ATXN7: variants seen among roughly 807,000 people sequenced by gnomAD.
ATXN7 encodes the protein ataxin-7.
In ATXN7, 12 loss-of-function variants were observed where a neutral mutation model predicts 70.5. The observed-to-expected ratio is 0.17, with a 90% confidence interval of 0.11 to 0.28. The LOEUF is 0.28. Ranked by LOEUF, ATXN7 falls within the 10% of genes least tolerant of loss-of-function variation. The pLI, the probability that ATXN7 is intolerant of heterozygous loss-of-function variation, is 1.00. For missense variants in ATXN7, 1,256 were observed against 1,131.7 expected (o/e 1.11, Z -1.58); for synonymous variants, 498 against 448.7 (o/e 1.11, Z -1.39).
intron 1 of ATXN7, among the ~76,000 whole-genome samples, chr3:63,877,319 C>G (rs2107213683): frequency 6.6e-6 from 1 of 152,172 alleles, no homozygotes. Context: ...ATACTTCTAC[C>G]CAGAGATATC....
chr3:63,970,157 C>T (rs1168859080), intron 5 of ATXN7, among the ~76,000 whole-genome samples: 1 of 152,172 alleles, frequency 6.6e-6, no homozygotes, highest in African/African-American at 2.4e-5. Context: ...GAAACAGTGA[C>T]ATAAAGATCA....
At chr3:63,870,571 C>G (rs1340997134) in intron 1 of ATXN7, among the ~76,000 whole-genome samples, 5 of 152,174 alleles carry the variant, frequency 3.3e-5, no homozygotes, top group Non-Finnish European at 5.9e-5. Context: ...GATTCTGTCA[C>G]CAATTAATTT....
At chr3:63,870,091 T>G (rs1314558147) in intron 1 of ATXN7, among the ~76,000 whole-genome samples, 1 of 152,146 alleles carries the variant, frequency 6.6e-6, no homozygotes, top group Non-Finnish European at 1.5e-5. Flanking sequence ...TTGCCAGCCA[T>G]CCAGGTCTCT....
intron 4 of ATXN7, among the ~76,000 whole-genome samples, chr3:63,949,991 A>G (rs1396956470): frequency 6.6e-6 from 1 of 152,204 alleles, no homozygotes; most frequent in Non-Finnish European, 1.5e-5. Flanking sequence ...GACCTGGCAC[A>G]TAGTAGTCTC....
Position 63,912,711 on chromosome 3 carries a change from A to C in ATXN7, c.113A>C (p.Gln38Pro), listed in dbSNP as rs1477342245. ...ARQQQQQQQQ[Q>P]QPPPPQPQRQ... ...CAGCAGCAGCAGCAGCAGCAGCAGC[A>C]GCAGCCGCCGCCTCCGCAGCCCCAG... The change falls in exon 3 of 13, where the codon CAG becomes CCG. Residue 38 changes from glutamine (Q) to proline (P), a missense_variant. Coordinates refer to ENST00000674280, the MANE Select transcript of ATXN7 (RefSeq NM_001377405.1). 148 of 1,207,010 alleles carry C rather than the reference A, an allele frequency of 1.2e-4. No individual in the cohort carries two copies. The highest frequency in any genetic ancestry group is 3.3e-4 in the Middle Eastern group (1 of 3,006). 74.8% of individuals were successfully genotyped at this position (1,207,010 alleles called of 1,614,324 possible).
chr3:63,972,171 G>A (rs1238896357), intron 5 of ATXN7, among the ~76,000 whole-genome samples: 1 of 152,182 alleles, frequency 6.6e-6, no homozygotes, highest in Non-Finnish European at 1.5e-5. Context: ...AAATAATTTT[G>A]TGAAGGGACA....
Position 63,995,509 on chromosome 3 carries a change from A to G in ATXN7, c.1687A>G (p.Ile563Val), listed in dbSNP as rs767062910. Reference sequence around the variant, plus strand: ...CTGTCCTCTAATTTTTTTCAGGAAAATCCCACCAGTGCCCAGTACCACCTC... The same window carrying G: ...CTGTCCTCTAATTTTTTTCAGGAAAGTCCCACCAGTGCCCAGTACCACCTC... ...KHLNAQLWKK[I>V]PPVPSTTSPI... The change falls in exon 12 of 13, where the codon ATC (isoleucine) becomes GTC (valine). Residue 563 changes from isoleucine (I) to valine (V), a missense_variant. Coordinates refer to ENST00000674280, the MANE Select transcript of ATXN7 (RefSeq NM_001377405.1). The G allele has an allele frequency of 1.2e-6, 2 of 1,613,468 alleles. No individual in the cohort carries two copies. The highest frequency in any genetic ancestry group is 1.7e-6 in the Non-Finnish European group (2 of 1,179,690).
At chr3:63,910,080 C>CA (rs1289127086) in intron 2 of ATXN7, among the ~76,000 whole-genome samples, 1 of 151,946 alleles carries the variant, frequency 6.6e-6, no homozygotes, top group East Asian at 1.9e-4. Flanking sequence ...TTAAACCAAT[C>CA]AAAAACTTTG....
intron 5 of ATXN7, among the ~76,000 whole-genome samples, chr3:63,962,184 GTTTAC>G (rs1391501773): frequency 1.3e-5 from 2 of 151,994 alleles, no homozygotes; most frequent in African/African-American, 4.8e-5. Context: ...CACTCTTGAG[GTTTAC>G]TTCAAAGTAA....
Position 63,959,766 on chromosome 3 carries a change from A to G in ATXN7, c.499+7283A>G, listed in dbSNP as rs2075095839. On this transcript the variant is annotated intron_variant, in intron 5 of 12. Coordinates refer to ENST00000674280, the MANE Select transcript of ATXN7 (RefSeq NM_001377405.1). ...CAACATTTTAATTTCTAGATATAAA[A>G]TGTACTTATTTTTCCTCTTACTGAT... 2.6e-5 allele frequency among the ~76,000 whole-genome samples: 4 copies of G among 152,302 alleles called. No individual in the cohort carries two copies. In the South Asian group the frequency reaches 8.3e-4, roughly 32 times the overall value.
chr3:63,949,191 C>T (rs1053736318), intron 4 of ATXN7, among the ~76,000 whole-genome samples: 2 of 151,822 alleles, frequency 1.3e-5, no homozygotes, highest in African/African-American at 2.4e-5. Flanking sequence ...CCACAACATT[C>T]CACACTCTGT....
rs1220163566 is a variant in ATXN7, at chr3:63,912,596, A to G, written c.-3A>G. The G allele has an allele frequency of 1.0e-5, 11 of 1,101,522 alleles. No individual in the cohort carries two copies. The South Asian group carries it at 1.5e-4, about 15-fold the overall frequency. 68.2% of individuals were successfully genotyped at this position (1,101,522 alleles called of 1,614,324 possible). ...TTTTTGTTACATTGTAGGAGCGGAAAGAATGTCGGAGCGGGCCGCGGATGA... is the reference window on the plus strand; with the variant it reads ...TTTTTGTTACATTGTAGGAGCGGAAGGAATGTCGGAGCGGGCCGCGGATGA... On this transcript the variant is annotated 5_prime_UTR_variant, in exon 3 of 13. Transcript: ENST00000674280.
At chr3:63,929,824 C>T (rs987480636) in intron 4 of ATXN7, among the ~76,000 whole-genome samples, 2 of 152,146 alleles carry the variant, frequency 1.3e-5, no homozygotes, top group South Asian at 4.1e-4. Flanking sequence ...TGTGTCAGGG[C>T]GGGCACAAGG....
At chr3:63,960,398 G>A (rs72885712) in intron 5 of ATXN7, among the ~76,000 whole-genome samples, 3,516 of 152,246 alleles carry the variant, frequency 0.023, 137 homozygotes, top group African/African-American at 0.079. Flanking sequence ...TCGCTGGAGG[G>A]TTTTGGCCAG....
intron 4 of ATXN7, among the ~76,000 whole-genome samples, chr3:63,940,411 A>G (rs893871337): frequency 6.6e-6 from 1 of 152,120 alleles, no homozygotes; most frequent in Non-Finnish European, 1.5e-5. Context: ...GTCAGTAGCC[A>G]ATGCCATTTC....
chr3:63,902,356 C>T (rs998867826), intron 2 of ATXN7, among the ~76,000 whole-genome samples: 13 of 152,002 alleles, frequency 8.6e-5, no homozygotes, highest in African/African-American at 3.1e-4. Flanking sequence ...GTGCAGTGAG[C>T]CGTGATTGCA....
chr3:63,881,943 C>A (rs1342034716), intron 1 of ATXN7, among the ~76,000 whole-genome samples: 1 of 152,164 alleles, frequency 6.6e-6, no homozygotes, highest in Non-Finnish European at 1.5e-5. Flanking sequence ...GTTGAAAATA[C>A]TTTGGAAGCA....
chr3:63,936,155 A>T (rs1291470897), intron 4 of ATXN7, among the ~76,000 whole-genome samples: 1 of 152,226 alleles, frequency 6.6e-6, no homozygotes, highest in Non-Finnish European at 1.5e-5. Context: ...ATAATTGTGG[A>T]ACGTTAGTCG....
intron 4 of ATXN7, among the ~76,000 whole-genome samples, chr3:63,923,727 G>A (rs1704591740): frequency 1.3e-5 from 2 of 152,130 alleles, no homozygotes; most frequent in Admixed American, 6.5e-5. Context: ...CCAGGAGGTC[G>A]AGGCTGCAGT....
Sources: gnomAD v4.1 joint callset for allele counts (sites outside exome capture counted in the v4.1 genomes callset) on GRCh38, gnomAD v4.1.1 for gene constraint, MANE v1.5 for transcripts, NCBI Gene and HGNC (gene_info 2026-07-23, HGNC 2026-07-21) for gene names.